Variants in QKI observed in about 807,000 individuals in gnomAD.
QKI encodes QKI, KH domain containing RNA binding.
In QKI, 10 loss-of-function variants were observed where a neutral mutation model predicts 39.0. The observed-to-expected ratio is 0.26, with a 90% CI of 0.16 to 0.43. The LOEUF is 0.43. QKI is among the 20% of genes least tolerant of loss of function. The pLI is 1.00. For missense variants in QKI, 218 were observed against 428.0 expected, an observed-to-expected ratio of 0.51 and a Z score of 4.33; for synonymous variants, 204 against 155.4, an observed-to-expected ratio of 1.31 and a Z score of -2.33.
chr6:163,574,775 C>T lies in QKI; in HGVS notation c.*4065C>T, dbSNP rs1327322607. On this transcript the variant is annotated 3_prime_UTR_variant, in exon 8 of 8. Transcript: ENST00000361752. The stretch of plus-strand genomic sequence containing the variant: ...TTCTGTGAAACAGTTCTCCTAGATA[C>T]CAAAATCCTCAGGATGAATTTTTGC... The T allele has an allele frequency of 1.3e-5, 2 of 152,090 alleles. No homozygotes were observed. Among genetic ancestry groups the T allele is most frequent in the Non-Finnish European group, 2.9e-5 (2 of 68,028 alleles). The allele number at this position is 152,090 out of a possible 1,614,324, so 9.4% of individuals were successfully genotyped here.
At chr6:163,429,725 G>T (rs1329380005) in intron 1 of QKI, among the ~76,000 whole-genome samples, 2 of 152,058 alleles carry the variant, frequency 1.3e-5, no homozygotes, top group Non-Finnish European at 2.9e-5. Flanking sequence ...CGTGATTTTC[G>T]AATAATGTCA....
intron 1 of QKI, among the ~76,000 whole-genome samples, chr6:163,440,514 T>C (rs1562435786): frequency 6.6e-6 from 1 of 152,378 alleles, no homozygotes; most frequent in East Asian, 1.9e-4. Context: ...TCTGGATTTG[T>C]ATCTCCTAGC....
At chr6:163,536,768 A>G (rs1781236280) in intron 4 of QKI, among the ~76,000 whole-genome samples, 1 of 152,260 alleles carries the variant, frequency 6.6e-6, no homozygotes, top group Non-Finnish European at 1.5e-5. Context: ...TGCATAAAAT[A>G]ACTGAATTTT....
rs1479556933 is a variant in QKI at position 163,577,883 on chromosome 6, C to T, written c.*7173C>T. The T allele has an allele frequency of 6.6e-6, 1 of 152,160 alleles. No homozygotes were observed. The highest frequency in any genetic ancestry group is 1.9e-4 in the East Asian group (1 of 5,198). The allele number at this position is 152,160 out of a possible 1,614,324, so 9.4% of individuals were successfully genotyped here. ...AAGCACTAGACATTTGGATTTCCTT[C>T]CTAACGTAATTTTTAATGATTACCC... On this transcript the variant is annotated 3_prime_UTR_variant, in exon 8 of 8. Transcript: ENST00000361752.
intron 1 of QKI, among the ~76,000 whole-genome samples, chr6:163,443,746 A>G (rs1250172167): frequency 6.6e-6 from 1 of 152,232 alleles, no homozygotes; most frequent in Non-Finnish European, 1.5e-5. Context: ...ATGCTACATG[A>G]TTATAAACCT....
chr6:163,432,514 C>T (rs1788915393), intron 1 of QKI, among the ~76,000 whole-genome samples: 1 of 151,910 alleles, frequency 6.6e-6, no homozygotes, highest in South Asian at 2.1e-4. Flanking sequence ...CTGCCTCAGC[C>T]TCCAGAGAGG....
chr6:163,470,502 TTTAG>T (rs1353000762), intron 2 of QKI, among the ~76,000 whole-genome samples: 1 of 152,164 alleles, frequency 6.6e-6, no homozygotes, highest in Non-Finnish European at 1.5e-5. Flanking sequence ...TTATAAGCTA[TTTAG>T]TTAAGTGTAT....
rs1348065393 is a variant in QKI, at chr6:163,564,429, A to C, written c.934+710A>C. The C allele has an allele frequency of 1.1e-5, 15 of 1,387,710 alleles. No homozygotes were observed. In the East Asian group the frequency reaches 3.8e-4, roughly 35 times the overall value. 86.0% of individuals were successfully genotyped at this position (1,387,710 alleles called of 1,614,324 possible). On this transcript the variant is annotated intron_variant, in intron 6 of 7. Coordinates refer to ENST00000361752, the MANE Select transcript of QKI (RefSeq NM_006775.3). ...ACCAAAATGTTGTTATGCAGGCATGACTGTAGTTGTATTCTTAAGATTTTT... is the reference window on the plus strand; with the variant it reads ...ACCAAAATGTTGTTATGCAGGCATGCCTGTAGTTGTATTCTTAAGATTTTT...
intron 6 of QKI, chr6:163,565,863 G>T: frequency 6.3e-7 from 1 of 1,578,712 alleles, no homozygotes; most frequent in Non-Finnish European, 8.6e-7. Context: ...GCAGACATGT[G>T]TGTTGGTAGT....
rs1777649043 is a variant in QKI at position 163,577,583 on chromosome 6, CA to C, written c.*6874del. 1 of 152,198 alleles carries C rather than the reference CA, an allele frequency of 6.6e-6. No homozygotes were observed. Among genetic ancestry groups the C allele is most frequent in the South Asian group, 2.1e-4 (1 of 4,790 alleles). 9.4% of individuals were successfully genotyped at this position (152,198 alleles called of 1,614,324 possible). On this transcript the variant is annotated 3_prime_UTR_variant, in exon 8 of 8. Coordinates refer to ENST00000361752, the MANE Select transcript of QKI (RefSeq NM_006775.3). ...AGTATTCCCTGGTTAGTCGCCACCC[CA>C]CCACTCCTTCCTGTCTCTAGTGTCA...
chr6:163,553,561 A>C (rs1429349312), intron 4 of QKI, among the ~76,000 whole-genome samples: 1 of 152,026 alleles, frequency 6.6e-6, no homozygotes, highest in Non-Finnish European at 1.5e-5. Context: ...CTATAAATTG[A>C]TGTGGCTCTA....
intron 3 of QKI, among the ~76,000 whole-genome samples, chr6:163,484,935 C>T (rs1174196635): frequency 5.3e-5 from 8 of 152,174 alleles, no homozygotes; most frequent in African/African-American, 1.9e-4. Flanking sequence ...GCAGGGTTGC[C>T]ATAAGCCTTC....
At chr6:163,456,396 A>G (rs60965967) in intron 2 of QKI, among the ~76,000 whole-genome samples, 4,847 of 152,286 alleles carry the variant, frequency 0.032, 254 homozygotes, top group African/African-American at 0.11. Flanking sequence ...ATATTGGCAC[A>G]TAATAGGTAA....
chr6:163,416,999 T>C (rs1787568389), intron 1 of QKI, among the ~76,000 whole-genome samples: 1 of 152,134 alleles, frequency 6.6e-6, no homozygotes, highest in South Asian at 2.1e-4. Flanking sequence ...TTTTTAACCA[T>C]GGAAATGGTT....
chr6:163,452,144 T>A (rs1790611679), intron 1 of QKI, among the ~76,000 whole-genome samples: 1 of 152,212 alleles, frequency 6.6e-6, no homozygotes, highest in Admixed American at 6.5e-5. Flanking sequence ...TCACAGTTAC[T>A]GTTAGAACTG....
At chr6:163,559,989 A>G (rs1043389853) in intron 4 of QKI, among the ~76,000 whole-genome samples, 1 of 152,170 alleles carries the variant, frequency 6.6e-6, no homozygotes, top group African/African-American at 2.4e-5. Flanking sequence ...TTCTATCTCT[A>G]CACAGACTTT....
chr6:163,521,404 A>T (rs1441085359), intron 3 of QKI, among the ~76,000 whole-genome samples: 1 of 152,188 alleles, frequency 6.6e-6, no homozygotes, highest in Admixed American at 6.5e-5. Flanking sequence ...ACATATATAG[A>T]CTATTAACAT....
chr6:163,540,974 A>G (rs1781467917), intron 4 of QKI, among the ~76,000 whole-genome samples: 1 of 150,942 alleles, frequency 6.6e-6, no homozygotes. Flanking sequence ...ATTTTTCTCA[A>G]TTTTTTTTCT....
chr6:163,521,001 G>C (rs1470066103), intron 3 of QKI, among the ~76,000 whole-genome samples: 2 of 152,142 alleles, frequency 1.3e-5, no homozygotes, highest in African/African-American at 4.8e-5. Flanking sequence ...AAGTCACCTA[G>C]TTTTTCTAAT....
Sources: gnomAD v4.1 joint callset for allele counts (sites outside exome capture counted in the v4.1 genomes callset) on GRCh38, gnomAD v4.1.1 for gene constraint, MANE v1.5 for transcripts, NCBI Gene and HGNC (gene_info 2026-07-23, HGNC 2026-07-21) for gene names.